The following FUT8 variants were observed in gnomAD, a reference collection of about 807,000 sequenced individuals.
The protein encoded by FUT8 is fucosyltransferase 8.
Under a neutral mutation model 71.3 loss-of-function variants are expected in FUT8, and 29 were observed. The observed-to-expected ratio is 0.41, with a 90% confidence interval of 0.30 to 0.55. FUT8 has a LOEUF of 0.55. FUT8 is among the 20% of genes least tolerant of loss of function. FUT8 has a pLI of 0.34. For missense variants in FUT8, 544 were observed against 702.1 expected, an observed-to-expected ratio of 0.77 and a Z score of 2.55; for synonymous variants, 254 against 239.3, an observed-to-expected ratio of 1.06 and a Z score of -0.57.
the FUT8 span, among the ~76,000 whole-genome samples, chr14:65,389,716 A>C: frequency 6.6e-6 from 1 of 151,878 alleles, no homozygotes. Flanking sequence ...CAGCCTTCCA[A>C]AGTGCCGGGA....
At chr14:65,526,656 A>G (rs1412396993) in intron 2 of FUT8, among the ~76,000 whole-genome samples, 9 of 152,114 alleles carry the variant, frequency 5.9e-5, no homozygotes, top group Non-Finnish European at 1.3e-4. Flanking sequence ...TCTTCCTGGT[A>G]TCGATGGTCT....
chr14:65,675,974 G>A (rs1276859728), intron 7 of FUT8, among the ~76,000 whole-genome samples: 1 of 152,134 alleles, frequency 6.6e-6, no homozygotes, highest in Admixed American at 6.5e-5. Flanking sequence ...TCCAGCCTGA[G>A]CGAGAGAGCA....
chr14:65,715,908 CAG>C (rs1895030285), intron 7 of FUT8, among the ~76,000 whole-genome samples: 1 of 149,090 alleles, frequency 6.7e-6, no homozygotes, highest in Admixed American at 6.8e-5. Context: ...GCCTGGGAGG[CAG>C]AGTCTGCAGT....
intron 7 of FUT8, among the ~76,000 whole-genome samples, chr14:65,695,172 A>G (rs920035999): frequency 7.2e-5 from 11 of 152,202 alleles, no homozygotes; most frequent in African/African-American, 1.7e-4. Flanking sequence ...CTATAAATCA[A>G]TTAGATTGAT....
chr14:65,631,843 C>T (rs962875922), intron 6 of FUT8, among the ~76,000 whole-genome samples: 6 of 152,060 alleles, frequency 3.9e-5, no homozygotes, highest in Non-Finnish European at 5.9e-5. Flanking sequence ...TTTCATCGCT[C>T]GCTCCCCTCC....
At chr14:65,625,215 A>T (rs1255447652) in intron 5 of FUT8, among the ~76,000 whole-genome samples, 1 of 152,158 alleles carries the variant, frequency 6.6e-6, no homozygotes, top group Non-Finnish European at 1.5e-5. Flanking sequence ...AATGAGTGTG[A>T]TGAGGGTGAT....
Position 65,742,485 on chromosome 14 carries a change from G to A in FUT8, c.*75G>A. The A allele has an allele frequency of 8.1e-7, 1 of 1,239,350 alleles. No homozygotes were observed. Among genetic ancestry groups the A allele is most frequent in the Non-Finnish European group, 1.1e-6 (1 of 883,616 alleles). The allele number at this position is 1,239,350 out of a possible 1,614,324, so 76.8% of individuals were successfully genotyped here. A position where few individuals can be genotyped will look rare whatever the true frequency, so the allele number is the denominator to read the frequency against. ...TTCAAACCATTTCAGCCAAACTGTA[G>A]ATGAAGAGGGCTCTGATCTAACAAA... is the stretch of plus-strand genomic sequence containing the variant. On this transcript the variant is annotated 3_prime_UTR_variant, in exon 11 of 11. Coordinates refer to ENST00000673929, the MANE Select transcript of FUT8 (RefSeq NM_001371533.1).
intron 6 of FUT8, among the ~76,000 whole-genome samples, chr14:65,651,037 A>G (rs755448938): frequency 1.3e-5 from 2 of 152,144 alleles, no homozygotes; most frequent in Non-Finnish European, 2.9e-5. Context: ...TGCCATGGAA[A>G]CTGTGGATGG....
At chr14:65,636,290 G>C (rs1890550351) in intron 6 of FUT8, among the ~76,000 whole-genome samples, 1 of 148,398 alleles carries the variant, frequency 6.7e-6, no homozygotes, top group African/African-American at 2.5e-5. Context: ...CAAAGAACCT[G>C]CTTTTTGTTT....
At chr14:65,423,097 T>G (rs1446720282) in intron 1 of FUT8, among the ~76,000 whole-genome samples, 1 of 150,632 alleles carries the variant, frequency 6.6e-6, no homozygotes, top group South Asian at 2.1e-4. Context: ...GTGATTCTTC[T>G]GCCTCAGCCT....
At chr14:65,438,812 A>G (rs543894978) in intron 1 of FUT8, among the ~76,000 whole-genome samples, 1 of 152,124 alleles carries the variant, frequency 6.6e-6, no homozygotes, top group East Asian at 1.9e-4. Context: ...TGCTCTCCAC[A>G]TTTTCTATAA....
intron 7 of FUT8, among the ~76,000 whole-genome samples, chr14:65,699,145 TACACACACACACACACACACACACAC>T (rs60092488): frequency 1.5e-4 from 20 of 132,130 alleles, no homozygotes; most frequent in Non-Finnish European, 1.9e-4. Context: ...CCCTCCCTTC[TACACACACACACACACACACACACAC>T]ACACACACAC....
At chr14:65,491,959 G>T (rs2066488315) in intron 2 of FUT8, among the ~76,000 whole-genome samples, 1 of 152,064 alleles carries the variant, frequency 6.6e-6, no homozygotes, top group African/African-American at 2.4e-5. Flanking sequence ...ATATAGTGCT[G>T]TAAAGTTCTG....
At chr14:65,559,222 G>A (rs10138701) in intron 2 of FUT8, among the ~76,000 whole-genome samples, 10,475 of 151,886 alleles carry the variant, frequency 0.069, 427 homozygotes, top group Admixed American at 0.11. Context: ...TGTTTTCTGC[G>A]TTACTTTTGC....
the FUT8 span, among the ~76,000 whole-genome samples, chr14:65,385,636 A>C: frequency 6.6e-6 from 1 of 152,190 alleles, no homozygotes. Flanking sequence ...TGTCATATTG[A>C]AAATGATAAA....
the FUT8 span, among the ~76,000 whole-genome samples, chr14:65,361,356 CAA>C: frequency 5.6e-4 from 36 of 64,848 alleles, no homozygotes; most frequent in Admixed American, 7.8e-4. Context: ...AACTCTGTCT[CAA>C]AAAAAAAAAA....
chr14:65,467,942 C>G lies in FUT8; in HGVS notation c.-228+12224C>G. ...GGGTACCTTTCTCTTTGGCTTCTTT[C>G]TTTTTCCGATCATTTTCCTTTACGT... On this transcript the variant is annotated intron_variant, in intron 2 of 10. Transcript: ENST00000673929. This position sits in a 1 kb window ranked among gnomAD's most constrained non-coding sequence, Gnocchi z 4.1. The G allele has an allele frequency of 1.4e-6, 1 of 737,548 alleles. No homozygotes were observed. Among genetic ancestry groups the G allele is most frequent in the Non-Finnish European group, 2.5e-6 (1 of 393,764 alleles). 45.7% of individuals were successfully genotyped at this position (737,548 alleles called of 1,614,324 possible).
At chr14:65,564,385 A>G (rs1009618114) in intron 3 of FUT8, among the ~76,000 whole-genome samples, 5 of 152,090 alleles carry the variant, frequency 3.3e-5, no homozygotes, top group African/African-American at 9.7e-5. Flanking sequence ...CTGAAAAGCC[A>G]TTAACAAATC....
intron 7 of FUT8, among the ~76,000 whole-genome samples, chr14:65,678,848 C>G (rs542061454): frequency 1.2e-4 from 18 of 152,190 alleles, no homozygotes; most frequent in Non-Finnish European, 2.1e-4. Flanking sequence ...GGGCCTTTGA[C>G]TGAGAAAACA....
Sources: allele counts gnomAD v4.1 joint callset (sites outside exome capture counted in the v4.1 genomes callset), GRCh38; gene constraint gnomAD v4.1.1; non-coding constraint Gnocchi (gnomAD v3.1); transcripts MANE v1.5; gene names NCBI Gene and HGNC (gene_info 2026-07-23, HGNC 2026-07-21).